Variants in CACNA1E observed in about 807,000 individuals in gnomAD.
The protein encoded by CACNA1E is voltage-dependent R-type calcium channel subunit alpha-1E.
A neutral mutation model predicts 259.2 loss-of-function variants in CACNA1E; 40 were observed. The observed-to-expected ratio is 0.15, with a 90% CI of 0.12 to 0.20. The LOEUF (loss-of-function observed/expected upper bound fraction) is 0.20, where lower values mean the gene tolerates loss of function less well. Ranked by LOEUF, CACNA1E falls within the 10% of genes least tolerant of loss-of-function variation. CACNA1E has a pLI of 1.00. For missense variants in CACNA1E, 1,874 were observed against 3,040.1 expected (o/e 0.62, Z 9.02); for synonymous variants, 1,104 against 1,138.5 (o/e 0.97, Z 0.61).
intron 3 of CACNA1E, among the ~76,000 whole-genome samples, chr1:181,534,621 A>T (rs1668032748): frequency 6.6e-6 from 1 of 152,090 alleles, no homozygotes. Context: ...TATCCATGTA[A>T]CCAAAACTAC....
chr1:181,544,458 A>G (rs1244667067), intron 3 of CACNA1E, among the ~76,000 whole-genome samples: 1 of 152,184 alleles, frequency 6.6e-6, no homozygotes, highest in African/African-American at 2.4e-5. Context: ...GTGGTTGTAA[A>G]TTATAACTCA....
At chr1:181,502,806 C>T (rs1665371648) in intron 1 of CACNA1E, among the ~76,000 whole-genome samples, 2 of 152,220 alleles carry the variant, frequency 1.3e-5, no homozygotes, top group Admixed American at 1.3e-4. Flanking sequence ...TCAAGCTATT[C>T]TCCTGCCTCA....
At chr1:181,596,532 A>G (rs895220826) in intron 6 of CACNA1E, among the ~76,000 whole-genome samples, 3 of 148,488 alleles carry the variant, frequency 2.0e-5, no homozygotes, top group African/African-American at 4.9e-5. Context: ...TCATCTCCAG[A>G]GAGTAGTCTT....
chr1:181,605,896 G>A (rs1438979942), intron 6 of CACNA1E, among the ~76,000 whole-genome samples: 1 of 152,106 alleles, frequency 6.6e-6, no homozygotes, highest in African/African-American at 2.4e-5. Context: ...TATAAACTTG[G>A]GGGTAATTCG....
In CACNA1E at chr1:181,737,521, G is replaced by A. The variant is rs1212405193; in HGVS notation, c.3423-4G>A. On this transcript the variant is annotated splice_region_variant and splice_polypyrimidine_tract_variant and intron_variant, in intron 22 of 47. Transcript: ENST00000367573. ...GCCAGCTCAGCCATGCCCACTGCCCGCAGGATCCGGAGGGCCTGCCACTAC... is the reference window on the plus strand; with the variant it reads ...GCCAGCTCAGCCATGCCCACTGCCCACAGGATCCGGAGGGCCTGCCACTAC... 17 of 1,613,396 alleles carry A rather than the reference G, an allele frequency of 1.1e-5. No individual in the cohort carries two copies. The highest frequency in any genetic ancestry group is 2.2e-5 in the East Asian group (1 of 44,890).
At chr1:181,456,831 GGGCCGTGGGATGT>G (rs1187994826) in intron 2 of CACNA1E, among the ~76,000 whole-genome samples, 2 of 152,184 alleles carry the variant, frequency 1.3e-5, no homozygotes, top group Non-Finnish European at 2.9e-5. Flanking sequence ...GTTAGCTGTG[GGGCCGTGGGATGT>G]GGCAGCTGGA....
At chr1:181,400,072 G>C (rs1656980922) in intron 1 of CACNA1E, among the ~76,000 whole-genome samples, 1 of 152,158 alleles carries the variant, frequency 6.6e-6, no homozygotes, top group South Asian at 2.1e-4. Flanking sequence ...CTGATCTACT[G>C]TAGTTCTATG....
chr1:181,521,177 A>G (rs1558083073), intron 3 of CACNA1E, among the ~76,000 whole-genome samples: 2 of 152,330 alleles, frequency 1.3e-5, no homozygotes, highest in East Asian at 3.9e-4. Context: ...AGTGACTAGG[A>G]GGCAGAGTGA....
chr1:181,457,321 G>C (rs184169655), intron 2 of CACNA1E, among the ~76,000 whole-genome samples: 24 of 152,348 alleles, frequency 1.6e-4, no homozygotes, highest in Non-Finnish European at 2.5e-4. Flanking sequence ...CCATCCCCGT[G>C]GGGGGTTAGG....
chr1:181,738,970 T>A (rs1297537443), intron 24 of CACNA1E, among the ~76,000 whole-genome samples, 177 bp from the exon 25 acceptor site: 1 of 152,194 alleles, frequency 6.6e-6, no homozygotes, highest in Non-Finnish European at 1.5e-5. Context: ...GATGGGGGCC[T>A]CAGGACTCAG....
chr1:181,754,088 G>C (rs1325843368), intron 27 of CACNA1E, among the ~76,000 whole-genome samples: 1 of 152,216 alleles, frequency 6.6e-6, no homozygotes, highest in African/African-American at 2.4e-5. Context: ...GCGTGGCCAG[G>C]CTGCCTTGGG....
intron 2 of CACNA1E, among the ~76,000 whole-genome samples, chr1:181,458,460 A>G (rs1290030588): frequency 6.6e-6 from 1 of 152,234 alleles, no homozygotes; most frequent in Non-Finnish European, 1.5e-5. Flanking sequence ...AGATTGAGCT[A>G]TGGCAGAACT....
chr1:181,683,845 G>A (rs747526253), intron 7 of CACNA1E, among the ~76,000 whole-genome samples: 3 of 152,144 alleles, frequency 2.0e-5, no homozygotes, highest in Non-Finnish European at 4.4e-5. Flanking sequence ...CTGTTGATGG[G>A]CATCTAGGTT....
intron 1 of CACNA1E, among the ~76,000 whole-genome samples, chr1:181,506,962 A>G (rs914494951): frequency 2.0e-5 from 3 of 152,044 alleles, no homozygotes; most frequent in Admixed American, 2.0e-4. Context: ...GCAGCCATGA[A>G]TTCATCCTGA....
intron 7 of CACNA1E, among the ~76,000 whole-genome samples, chr1:181,662,480 A>T (rs1254116616): frequency 1.3e-5 from 2 of 152,108 alleles, no homozygotes; most frequent in East Asian, 3.9e-4. Flanking sequence ...TTCTGTTCCT[A>T]TCACTTGCCA....
rs553972315 is a variant in CACNA1E at position 181,663,184 on chromosome 1, T to C, written c.1055+11743T>C. On this transcript the variant is annotated intron_variant, in intron 7 of 47. Coordinates refer to ENST00000367573, the MANE Select transcript of CACNA1E (RefSeq NM_001205293.3). ...TAATACTACTAAAGATAAGATGTAA[T>C]ATTTATTGAAACCTTGTCATCTGCC... Among the ~76,000 whole-genome samples the C allele has an allele frequency of 3.3e-5, 5 of 152,336 alleles. No homozygotes were observed. In the South Asian group the frequency reaches 8.3e-4, roughly 25 times the overall value.
At chr1:181,452,092 G>T (rs558641621) in intron 2 of CACNA1E, among the ~76,000 whole-genome samples, 156 of 152,352 alleles carry the variant, frequency 1.0e-3, no homozygotes, top group Non-Finnish European at 1.8e-3. Context: ...GAGCCCCTAT[G>T]GTTAGGGCCG....
chr1:181,626,742 T>C (rs1656239543), intron 6 of CACNA1E, among the ~76,000 whole-genome samples: 1 of 152,222 alleles, frequency 6.6e-6, no homozygotes, highest in Admixed American at 6.5e-5. Flanking sequence ...TATGATTCAC[T>C]TTCTCTTTCA....
chr1:181,478,216 TG>T (rs1464777324), intron 2 of CACNA1E, among the ~76,000 whole-genome samples: 3 of 152,226 alleles, frequency 2.0e-5, no homozygotes, highest in Non-Finnish European at 4.4e-5. Flanking sequence ...AGTGATGGGT[TG>T]TCATAAATGA....
Sources: gnomAD v4.1 joint callset for allele counts (sites outside exome capture counted in the v4.1 genomes callset) on GRCh38, gnomAD v4.1.1 for gene constraint, MANE v1.5 for transcripts, NCBI Gene and HGNC (gene_info 2026-07-23, HGNC 2026-07-21) for gene names.